Variants in OLA1 observed in about 807,000 individuals in gnomAD.
The protein encoded by OLA1 is obg-like ATPase 1.
OLA1 carries 14 observed loss-of-function variants against 48.4 expected under a neutral mutation model. That is an observed-to-expected ratio of 0.29 (90% CI 0.19 to 0.45). The LOEUF (loss-of-function observed/expected upper bound fraction) is 0.45, where lower values mean the gene tolerates loss of function less well. Among genes scored for constraint, OLA1 ranks in the 20% least tolerant of loss-of-function variants. OLA1 has a pLI of 1.00. For synonymous variants in OLA1, 127 were observed against 150.4 expected (o/e 0.84, Z 1.14); for missense variants, 325 against 467.1 (o/e 0.70, Z 2.80).
At chr2:174,193,276 G>C (rs944514739) in intron 4 of OLA1, among the ~76,000 whole-genome samples, 4 of 151,968 alleles carry the variant, frequency 2.6e-5, no homozygotes, top group Non-Finnish European at 5.9e-5. Flanking sequence ...TTTTAGCAGA[G>C]ATGAGGTTTC....
chr2:174,089,769 G>A (rs981873092), intron 7 of OLA1, among the ~76,000 whole-genome samples: 40 of 151,986 alleles, frequency 2.6e-4, no homozygotes, highest in Admixed American at 1.3e-3. Context: ...AGGCATGGTA[G>A]CCCATGCCTG....
intron 8 of OLA1, 131 bp from the exon 9 acceptor site, chr2:174,081,379 T>G: frequency 1.5e-6 from 1 of 652,186 alleles, no homozygotes; most frequent in Non-Finnish European, 2.7e-6. Flanking sequence ...TCTTTCAGAA[T>G]ACACTGGAAG....
intron 4 of OLA1, among the ~76,000 whole-genome samples, chr2:174,155,795 T>A (rs1456533809): frequency 6.6e-6 from 1 of 151,732 alleles, no homozygotes; most frequent in Non-Finnish European, 1.5e-5. Context: ...GAATCAGGAT[T>A]AAGGAGGGAA....
intron 4 of OLA1, among the ~76,000 whole-genome samples, chr2:174,217,112 A>G (rs1263856489): frequency 6.6e-6 from 1 of 152,196 alleles, no homozygotes; most frequent in Non-Finnish European, 1.5e-5. Flanking sequence ...GTAACTGAAA[A>G]TATTTTGTAC....
intron 7 of OLA1, among the ~76,000 whole-genome samples, chr2:174,118,302 C>G (rs892760988): frequency 1.3e-5 from 2 of 152,208 alleles, no homozygotes; most frequent in Non-Finnish European, 2.9e-5. Flanking sequence ...CTCATCCCAA[C>G]TCAGTGTTTT....
chr2:174,236,296 A>G (rs568724478), intron 2 of OLA1, among the ~76,000 whole-genome samples: 2 of 152,168 alleles, frequency 1.3e-5, no homozygotes, highest in Non-Finnish European at 2.9e-5. Flanking sequence ...TCTTAAGGAT[A>G]TAAAAGCTAA....
At chr2:174,103,130 GGA>G (rs886757706) in intron 7 of OLA1, among the ~76,000 whole-genome samples, 1 of 152,110 alleles carries the variant, frequency 6.6e-6, no homozygotes, top group African/African-American at 2.4e-5. Context: ...TGATGATGCA[GGA>G]GAGAGAGATG....
At chr2:174,080,234 C>T (rs1210553332) in intron 9 of OLA1, among the ~76,000 whole-genome samples, 1 of 151,856 alleles carries the variant, frequency 6.6e-6, no homozygotes, top group Non-Finnish European at 1.5e-5. Context: ...ATGTTTCTAT[C>T]CATATTAAAT....
intron 1 of OLA1, chr2:174,248,007 G>T: frequency 2.2e-6 from 1 of 458,764 alleles, no homozygotes; most frequent in Non-Finnish European, 3.9e-6. Context: ...TGCCCTTGCA[G>T]TAGTATTCCA....
intron 4 of OLA1, among the ~76,000 whole-genome samples, chr2:174,166,904 ATTT>A (rs969204534): frequency 6.6e-6 from 1 of 152,136 alleles, no homozygotes; most frequent in Admixed American, 6.5e-5. Context: ...TGGGAAAAAT[ATTT>A]TTAAGTTCCC....
chr2:174,174,865 A>C (rs909718656), intron 4 of OLA1, among the ~76,000 whole-genome samples: 1 of 152,066 alleles, frequency 6.6e-6, no homozygotes, highest in African/African-American at 2.4e-5. Flanking sequence ...ATCTAATTTT[A>C]AGACTTACTC....
At chr2:174,226,560 C>T (rs376201121) in intron 3 of OLA1, among the ~76,000 whole-genome samples, 2 of 151,486 alleles carry the variant, frequency 1.3e-5, no homozygotes, top group Non-Finnish European at 2.9e-5. Context: ...AGTGTAATGG[C>T]GCCATCTTGG....
chr2:174,146,007 C>T (rs1448824428), intron 4 of OLA1, among the ~76,000 whole-genome samples: 1 of 152,154 alleles, frequency 6.6e-6, no homozygotes, highest in Non-Finnish European at 1.5e-5. Context: ...GAGATGACAT[C>T]TGAGCCAAAC....
intron 2 of OLA1, among the ~76,000 whole-genome samples, chr2:174,238,686 C>A (rs912402122): frequency 6.6e-6 from 1 of 152,060 alleles, no homozygotes; most frequent in South Asian, 2.1e-4. Flanking sequence ...AATATACAGT[C>A]ACATGTGACC....
At chr2:174,211,128 A>G (rs1688231983) in intron 4 of OLA1, among the ~76,000 whole-genome samples, 2 of 151,962 alleles carry the variant, frequency 1.3e-5, no homozygotes, top group Non-Finnish European at 2.9e-5. Flanking sequence ...TTATTAGGAC[A>G]AAGAGGTAAG....
chr2:174,235,794 C>A (rs745699505), intron 2 of OLA1, among the ~76,000 whole-genome samples: 1 of 152,124 alleles, frequency 6.6e-6, no homozygotes, highest in African/African-American at 2.4e-5. Context: ...TAATGATTTG[C>A]GCATGAGTAA....
chr2:174,197,736 AT>A (rs1230412309), intron 4 of OLA1, among the ~76,000 whole-genome samples: 10 of 152,308 alleles, frequency 6.6e-5, no homozygotes, highest in African/African-American at 2.4e-4. Flanking sequence ...GAAAAAATAA[AT>A]AGGCAAATGT....
At chr2:174,128,063 TATG>T (rs1686085358) in intron 5 of OLA1, among the ~76,000 whole-genome samples, 1 of 151,662 alleles carries the variant, frequency 6.6e-6, no homozygotes, top group South Asian at 2.1e-4. Context: ...ATTAGAATAG[TATG>T]ACACTGGCAC....
intron 4 of OLA1, among the ~76,000 whole-genome samples, chr2:174,151,754 A>G (rs1387380739): frequency 6.6e-6 from 1 of 152,238 alleles, no homozygotes; most frequent in Non-Finnish European, 1.5e-5. Flanking sequence ...AATTCATTTA[A>G]TATCTATAGT....
Sources: gnomAD v4.1 joint callset for allele counts (sites outside exome capture counted in the v4.1 genomes callset) on GRCh38, gnomAD v4.1.1 for gene constraint, MANE v1.5 for transcripts, NCBI Gene and HGNC (gene_info 2026-07-23, HGNC 2026-07-21) for gene names.